Variants in ATRNL1 observed in about 807,000 individuals in gnomAD.
The protein encoded by ATRNL1 is attractin-like protein 1.
ATRNL1 carries 95 observed loss-of-function variants against 182.7 expected under a neutral mutation model. The ratio of observed to expected loss-of-function variants is 0.52; its 90% CI spans 0.44 to 0.62. The LOEUF (loss-of-function observed/expected upper bound fraction) is 0.62. Ranked by LOEUF, ATRNL1 falls within the 20% of genes least tolerant of loss-of-function variation. The pLI is 0.00. For missense variants in ATRNL1, 1,471 were observed against 1,679.5 expected, an observed-to-expected ratio of 0.88 and a Z score of 2.17; for synonymous variants, 576 against 568.3, an observed-to-expected ratio of 1.01 and a Z score of -0.19.
chr10:115,693,925 G>A (rs1555048965), intron 26 of ATRNL1, among the ~76,000 whole-genome samples: 1 of 152,046 alleles, frequency 6.6e-6, no homozygotes, highest in African/African-American at 2.4e-5. Context: ...ACAGGAGGGT[G>A]CTAGGCATAA....
chr10:115,339,072 T>C (rs1855621581), intron 19 of ATRNL1, among the ~76,000 whole-genome samples: 2 of 152,226 alleles, frequency 1.3e-5, no homozygotes, highest in Admixed American at 1.3e-4. Context: ...TTCTGTTCCA[T>C]TGAACTATGT....
intron 8 of ATRNL1, among the ~76,000 whole-genome samples, chr10:115,176,596 G>A (rs960633787): frequency 6.6e-6 from 1 of 152,100 alleles, no homozygotes; most frequent in East Asian, 1.9e-4. Flanking sequence ...GGAACCAAGG[G>A]TGATTCCAAA....
chr10:115,146,513 A>G (rs994579576), intron 5 of ATRNL1, among the ~76,000 whole-genome samples: 6 of 152,116 alleles, frequency 3.9e-5, no homozygotes, highest in Admixed American at 2.0e-4. Flanking sequence ...GAAATATACA[A>G]TATGTTGTTG....
In ATRNL1 at chr10:115,357,528, C is replaced by A. The variant is rs189337310; in HGVS notation, c.3175+23109C>A. 1.6e-4 allele frequency among the ~76,000 whole-genome samples: 25 copies of A among 151,782 alleles called. No homozygotes were observed. In the East Asian group the frequency reaches 4.4e-3, roughly 27 times the overall value. ...ATATTGTTTATAAATATTTCATAAA[C>A]ACATTAAAATCCTCCTTAATATATT... On this transcript the variant is annotated intron_variant, in intron 19 of 28. Coordinates refer to ENST00000355044, the MANE Select transcript of ATRNL1 (RefSeq NM_207303.4).
At chr10:115,151,332 C>G (rs1465055243) in intron 5 of ATRNL1, among the ~76,000 whole-genome samples, 1 of 152,152 alleles carries the variant, frequency 6.6e-6, no homozygotes, top group Non-Finnish European at 1.5e-5. Context: ...GTTTACAGTC[C>G]CACCAACAGT....
intron 25 of ATRNL1, among the ~76,000 whole-genome samples, chr10:115,534,193 T>C (rs1273392742): frequency 3.3e-5 from 5 of 151,356 alleles, no homozygotes; most frequent in African/African-American, 4.9e-5. Context: ...TGTCTAATGT[T>C]GACAGTGGGG....
At chr10:115,577,487 AT>A (rs1337071455) in intron 26 of ATRNL1, among the ~76,000 whole-genome samples, 1 of 151,772 alleles carries the variant, frequency 6.6e-6, no homozygotes, top group African/African-American at 2.4e-5. Flanking sequence ...TGATGACAAT[AT>A]AAATGGAATG....
At chr10:115,434,135 C>T (rs572007056) in intron 21 of ATRNL1, among the ~76,000 whole-genome samples, 1 of 152,046 alleles carries the variant, frequency 6.6e-6, no homozygotes, top group Non-Finnish European at 1.5e-5. Flanking sequence ...GCATCATGTC[C>T]TGAGAATGAT....
intron 28 of ATRNL1, among the ~76,000 whole-genome samples, chr10:115,873,384 TACTC>T (rs1951628951): frequency 6.6e-6 from 1 of 152,186 alleles, no homozygotes; most frequent in South Asian, 2.1e-4. Context: ...GATTGAAAAA[TACTC>T]AGCCTCTTGT....
rs782552613 is a variant in ATRNL1 at position 115,093,816 on chromosome 10, T to A, written c.66T>A (p.Ala22=). ...PQPAAPGVWR[A]RPAGGGGGGA... The stretch of plus-strand genomic sequence containing the variant: ...CAGCGGCCCCGGGGGTGTGGAGGGC[T>A]CGGCCGGCGGGCGGCGGCGGCGGGG... The change falls in exon 1 of 29, where the codon GCT becomes GCA. Residue 22 remains alanine, a synonymous_variant. Coordinates refer to ENST00000355044, the MANE Select transcript of ATRNL1 (RefSeq NM_207303.4). The surrounding 1 kb of genome is among the most constrained non-coding windows in gnomAD (Gnocchi z 6.1). 9 of 1,500,222 alleles carry A rather than the reference T, an allele frequency of 6.0e-6. No individual in the cohort carries two copies. Among genetic ancestry groups the A allele is most frequent in the Non-Finnish European group, 8.9e-7 (1 of 1,125,854 alleles). The allele number at this position is 1,500,222 out of a possible 1,614,324, so 92.9% of individuals were successfully genotyped here.
chr10:115,865,732 G>A (rs1363965608), intron 28 of ATRNL1, among the ~76,000 whole-genome samples: 1 of 152,132 alleles, frequency 6.6e-6, no homozygotes, highest in Non-Finnish European at 1.5e-5. Context: ...TTAGAGCCAG[G>A]TCTGTGTGAC....
intron 26 of ATRNL1, among the ~76,000 whole-genome samples, chr10:115,701,290 T>G (rs1946727778): frequency 6.6e-6 from 1 of 152,160 alleles, no homozygotes; most frequent in East Asian, 1.9e-4. Flanking sequence ...CCAAAATTTC[T>G]GGGATGCAGC....
At chr10:115,461,500 T>G (rs1246983808) in intron 21 of ATRNL1, among the ~76,000 whole-genome samples, 1 of 152,082 alleles carries the variant, frequency 6.6e-6, no homozygotes, top group Admixed American at 6.6e-5. Context: ...GCTATCAAAC[T>G]TCATGTTTTC....
chr10:115,265,113 C>T (rs927115897), intron 10 of ATRNL1, 80 bp from the exon 11 acceptor site: 7 of 874,906 alleles, frequency 8.0e-6, no homozygotes, highest in Admixed American at 4.5e-5. Flanking sequence ...ATCTTTAATT[C>T]GGCCAATGAT....
At chr10:115,328,639 C>CT (rs1298938706) in intron 18 of ATRNL1, among the ~76,000 whole-genome samples, 1 of 151,796 alleles carries the variant, frequency 6.6e-6, no homozygotes, top group Non-Finnish European at 1.5e-5. Flanking sequence ...TCTATGAGAT[C>CT]TTTTTTTTAA....
intron 5 of ATRNL1, among the ~76,000 whole-genome samples, chr10:115,144,306 C>A (rs2143841174): frequency 6.6e-6 from 1 of 152,180 alleles, no homozygotes; most frequent in East Asian, 1.9e-4. Context: ...TGCCACCATG[C>A]CCGTCTAATT....
At chr10:115,219,910 CAA>C (rs1394582612) in intron 9 of ATRNL1, among the ~76,000 whole-genome samples, 4 of 151,610 alleles carry the variant, frequency 2.6e-5, no homozygotes, top group African/African-American at 7.3e-5. Context: ...CTCAAAAAAA[CAA>C]AAAAGAGAGA....
intron 27 of ATRNL1, among the ~76,000 whole-genome samples, chr10:115,756,895 T>C (rs1948604693): frequency 6.6e-6 from 1 of 152,218 alleles, no homozygotes; most frequent in Non-Finnish European, 1.5e-5. Flanking sequence ...CTTGTTGCAT[T>C]GATCCCTTTA....
At chr10:115,892,389 A>G (rs1241978080) in intron 28 of ATRNL1, among the ~76,000 whole-genome samples, 1 of 152,192 alleles carries the variant, frequency 6.6e-6, no homozygotes, top group Non-Finnish European at 1.5e-5. Context: ...CCCATGTTAT[A>G]TATACATCTA....
Sources: gnomAD v4.1 joint callset for allele counts (sites outside exome capture counted in the v4.1 genomes callset) on GRCh38, gnomAD v4.1.1 for gene constraint, Gnocchi (gnomAD v3.1) non-coding constraint, MANE v1.5 for transcripts, NCBI Gene and HGNC (gene_info 2026-07-23, HGNC 2026-07-21) for gene names.